LRP1: variants seen among roughly 807,000 people sequenced by gnomAD.
LRP1 encodes prolow-density lipoprotein receptor-related protein 1.
Under a neutral mutation model 541.5 loss-of-function variants are expected in LRP1, and 51 were observed. The ratio of observed to expected loss-of-function variants is 0.09; its 90% CI spans 0.08 to 0.12. The LOEUF is 0.12. Ranked by LOEUF, LRP1 falls within the 10% of genes least tolerant of loss-of-function variation. The pLI, the probability that LRP1 is intolerant of heterozygous loss-of-function variation, is 1.00. For synonymous variants in LRP1, 2,219 were observed against 2,470.8 expected (o/e 0.90, Z 3.02); for missense variants, 3,878 against 6,376.2 (o/e 0.61, Z 13.34).
rs778810958 is a variant in LRP1, at chr12:57,173,915, C to T, written c.3482C>T (p.Pro1161Leu). The change falls in exon 22 of 89, where the codon CCC (proline) becomes CTC (leucine). Residue 1161 changes from proline (P) to leucine (L), a missense_variant. Physicochemically the swap from Pro to Leu is moderately conservative, Grantham distance 98 (BLOSUM62 -3). This residue lies in a region of LRP1 where 320 missense variants were observed against 547.9 expected (regional missense o/e 0.58). Coordinates refer to ENST00000243077, the MANE Select transcript of LRP1 (RefSeq NM_002332.3). The surrounding 1 kb of genome is among the most constrained non-coding windows in gnomAD (Gnocchi z 4.7). ...PCANNTSVCL[P>L]PDKLCDGNDD... ...GCCAACAACACCTCAGTCTGCCTGC[C>T]CCCTGACAAGCTGTGTGATGGCAAC... The T allele has an allele frequency of 6.2e-7, 1 of 1,614,094 alleles. No individual in the cohort carries two copies. The highest frequency in any genetic ancestry group is 8.5e-7 in the Non-Finnish European group (1 of 1,180,042).
chr12:57,138,652 A>G, intron 2 of LRP1, 71 bp downstream of exon 2: 2 of 1,587,718 alleles, frequency 1.3e-6, no homozygotes, highest in Non-Finnish European at 1.7e-6. Flanking sequence ...GATGTTTGGG[A>G]GGAGGACAGC....
Position 57,128,717 on chromosome 12 carries a change from C to CG in LRP1, c.-241dup, listed in dbSNP as rs893655237. Reference sequence around the variant, plus strand: ...GGGGAAAGAGCAGCGAGGAGTGAAGCGGGGGGGTGGGGTGAAGGGTTTGGA... The same window carrying CG: ...GGGGAAAGAGCAGCGAGGAGTGAAGCGGGGGGGGTGGGGTGAAGGGTTTGGA... On this transcript the variant is annotated 5_prime_UTR_variant, in exon 1 of 89. Transcript: ENST00000243077. The CG allele has an allele frequency of 5.8e-5, 24 of 416,084 alleles. No individual in the cohort carries two copies. The highest frequency in any genetic ancestry group is 2.4e-4 in the Admixed American group (6 of 24,750). The allele number at this position is 416,084 out of a possible 1,614,324, so 25.8% of individuals were successfully genotyped here. A position where few individuals can be genotyped will look rare whatever the true frequency, so the allele number is the denominator to read the frequency against.
chr12:57,204,214 A>G lies in LRP1; in HGVS notation c.10952-196A>G. On this transcript the variant is annotated intron_variant, in intron 70 of 88. Transcript: ENST00000243077. This position sits in a 1 kb window ranked among gnomAD's most constrained non-coding sequence, Gnocchi z 5.3. ...TCTGAACTCCTCCAGACACCCCTGA[A>G]AAATGGCCTCTTCTCCCCTAAATAC... 1 of 560,588 alleles carries G rather than the reference A, an allele frequency of 1.8e-6. No homozygotes were observed. 34.7% of individuals were successfully genotyped at this position (560,588 alleles called of 1,614,324 possible).
Position 57,189,490 on chromosome 12 carries a change from G to C in LRP1, c.7032-1315G>C, listed in dbSNP as rs76057206. On this transcript the variant is annotated intron_variant, in intron 42 of 88. Coordinates refer to ENST00000243077, the MANE Select transcript of LRP1 (RefSeq NM_002332.3). The surrounding 1 kb of genome is among the most constrained non-coding windows in gnomAD (Gnocchi z 4.4). ...GGCCCTTAAGATCAGAGCTTCTCACGAGCTCGCCGAGGCTCAGGGCAGCCA... is the reference window on the plus strand; with the variant it reads ...GGCCCTTAAGATCAGAGCTTCTCACCAGCTCGCCGAGGCTCAGGGCAGCCA... Among the ~76,000 whole-genome samples the C allele has an allele frequency of 0.019, 2,925 of 152,192 alleles. 103 individuals are homozygous for C. Among genetic ancestry groups the C allele is most frequent in the African/African-American group, 0.068 (2,815 of 41,494 alleles).
chr12:57,133,314 C>T (rs2035077559), intron 1 of LRP1, among the ~76,000 whole-genome samples: 1 of 149,304 alleles, frequency 6.7e-6, no homozygotes. Context: ...AAAGGAAAAG[C>T]TGGTGGGGGA....
At position 57,184,286 on chromosome 12, in the gene LRP1, G is replaced by A. The variant is rs1592640851; in HGVS notation, c.6060-40G>A. 1.1e-5 allele frequency: 18 copies of A among 1,613,948 alleles called. No homozygotes were observed. In the East Asian group the frequency reaches 4.0e-4, roughly 36 times the overall value. ...GCTGATGAGGCCCTGTCTCCTCCAG[G>A]GTCTGAGGACTGACCCCCACTTCCA... On this transcript the variant is annotated intron_variant, in intron 37 of 88. Transcript: ENST00000243077. The surrounding 1 kb of genome is among the most constrained non-coding windows in gnomAD (Gnocchi z 7.8).
chr12:57,177,725 CAGG>C lies in LRP1; in HGVS notation c.4361+145_4361+147del, dbSNP rs2036076788. 49 of 1,107,458 alleles carry C rather than the reference CAGG, an allele frequency of 4.4e-5. No individual in the cohort carries two copies. Among genetic ancestry groups the C allele is most frequent in the South Asian group, 6.2e-5 (4 of 65,020 alleles). The allele number at this position is 1,107,458 out of a possible 1,614,324, so 68.6% of individuals were successfully genotyped here. ...AGGAACGGTGGCAAAGGACTGGGCA[CAGG>C]AGGAGGAGGACGGAGGGGCGTGGGG... On this transcript the variant is annotated intron_variant, in intron 26 of 88. Transcript: ENST00000243077. This position sits in a 1 kb window ranked among gnomAD's most constrained non-coding sequence, Gnocchi z 6.8.
At chr12:57,199,833 A>G (rs765147957) in intron 61 of LRP1, 44 bp from the exon 62 acceptor site, 10 of 1,547,854 alleles carry the variant, frequency 6.5e-6, no homozygotes, top group Middle Eastern at 1.7e-4. Context: ...AGCCTTTGGT[A>G]GGCCAGAAAA....
Position 57,154,057 on chromosome 12 carries a change from GT to G in LRP1, c.842-150del, listed in dbSNP as rs1416894223. The G allele has an allele frequency of 5.8e-6, 4 of 687,906 alleles. No individual in the cohort carries two copies. The highest frequency in any genetic ancestry group is 4.2e-4 in the Middle Eastern group (1 of 2,406). 42.6% of individuals were successfully genotyped at this position (687,906 alleles called of 1,614,324 possible). A position where few individuals can be genotyped will look rare whatever the true frequency, so the allele number is the denominator to read the frequency against. ...AGCCAGCATTTACGCAAGCCCTCCT[GT>G]ATATCCACTCTGAGCTAAGCATGGG... On this transcript the variant is annotated intron_variant, in intron 6 of 88. Coordinates refer to ENST00000243077, the MANE Select transcript of LRP1 (RefSeq NM_002332.3). The surrounding 1 kb of genome is among the most constrained non-coding windows in gnomAD (Gnocchi z 4.6).
intron 45 of LRP1, 103 bp downstream of exon 45, chr12:57,193,073 G>A: frequency 6.3e-7 from 1 of 1,586,088 alleles, no homozygotes; most frequent in Non-Finnish European, 8.6e-7. Flanking sequence ...AAAGCCTTTT[G>A]CCAAGAAGAC....
chr12:57,182,587 A>T (rs7398426), intron 34 of LRP1, among the ~76,000 whole-genome samples: 4 of 150,838 alleles, frequency 2.7e-5, no homozygotes, highest in African/African-American at 7.3e-5. Flanking sequence ...GAGGCTAAAG[A>T]GGGCGGATTA....
chr12:57,133,603 C>A (rs2035085550), intron 1 of LRP1, among the ~76,000 whole-genome samples: 1 of 151,458 alleles, frequency 6.6e-6, no homozygotes, highest in African/African-American at 2.4e-5. Flanking sequence ...CAGATTCCTG[C>A]AGGCTCTGTC....
At position 57,156,366 on chromosome 12, in the gene LRP1, G is replaced by T; in HGVS notation, c.1417+83G>T. On this transcript the variant is annotated intron_variant, in intron 9 of 88. Transcript: ENST00000243077. The surrounding 1 kb of genome is among the most constrained non-coding windows in gnomAD (Gnocchi z 5.2). ...CCTTGGGATCACAGCCCCTCTCTGG[G>T]CCCTCCTGTGGGGACCCTGGCTTCT... 1 of 1,400,860 alleles carries T rather than the reference G, an allele frequency of 7.1e-7. No homozygotes were observed. Among genetic ancestry groups the T allele is most frequent in the Admixed American group, 2.2e-5 (1 of 46,454 alleles). 86.8% of individuals were successfully genotyped at this position (1,400,860 alleles called of 1,614,324 possible). A position where few individuals can be genotyped will look rare whatever the true frequency, so the allele number is the denominator to read the frequency against.
At chr12:57,159,037 G>A (rs1310787563) in intron 11 of LRP1, among the ~76,000 whole-genome samples, 2 of 152,194 alleles carry the variant, frequency 1.3e-5, no homozygotes, top group Admixed American at 6.5e-5. Context: ...CCTTGCAGTC[G>A]CCAAAAACTG....
intron 15 of LRP1, 129 bp downstream of exon 15, chr12:57,163,112 A>G: frequency 7.5e-7 from 1 of 1,329,072 alleles, no homozygotes; most frequent in Non-Finnish European, 1.0e-6. Flanking sequence ...TAGGGGGCCA[A>G]CAGGAAGCAA....
At chr12:57,202,742 C>T (rs2036684034) in intron 68 of LRP1, 4 of 605,976 alleles carry the variant, frequency 6.6e-6, no homozygotes, top group Admixed American at 2.7e-5. Context: ...CATTTTCACA[C>T]TGTCCTCTCG....
rs1208647746 is a variant in LRP1 at position 57,145,469 on chromosome 12, A to G, written c.820A>G (p.Asn274Asp). 1 of 1,613,814 alleles carries G rather than the reference A, an allele frequency of 6.2e-7. No individual in the cohort carries two copies. The highest frequency in any genetic ancestry group is 1.3e-5 in the African/African-American group (1 of 74,908). The change falls in exon 6 of 89, where the codon AAC becomes GAC. Residue 274 changes from asparagine to aspartate, a missense_variant. Coordinates refer to ENST00000243077, the MANE Select transcript of LRP1 (RefSeq NM_002332.3). ...LKGFVDEHTI[N>D]ISLSLHHVEQ... The stretch of plus-strand genomic sequence containing the variant: ...GGGCTTCGTGGATGAGCACACCATC[A>G]ACATCTCCCTCAGTCTGCACCGTGA...
Position 57,128,657 on chromosome 12 carries a change from G to T in LRP1, c.-308G>T. On this transcript the variant is annotated 5_prime_UTR_variant, in exon 1 of 89. Transcript: ENST00000243077. ...TTGTGCATTTTTGCAGCCGGAGGCG[G>T]CTCCGAGATGGGGCTGTGAGCTTCG... 7.3e-6 allele frequency: 3 copies of T among 411,416 alleles called. No homozygotes were observed. Among genetic ancestry groups the T allele is most frequent in the East Asian group, 3.5e-5 (1 of 28,562 alleles). 25.5% of individuals were successfully genotyped at this position (411,416 alleles called of 1,614,324 possible). A position where few individuals can be genotyped will look rare whatever the true frequency, so the allele number is the denominator to read the frequency against.
chr12:57,199,640 A>C (rs1451615771), intron 61 of LRP1, among the ~76,000 whole-genome samples: 1 of 152,114 alleles, frequency 6.6e-6, no homozygotes, highest in Non-Finnish European at 1.5e-5. Context: ...CTGGGTGCCC[A>C]GCCCCCAGAA....
Sources: gnomAD v4.1 joint callset for allele counts (sites outside exome capture counted in the v4.1 genomes callset) on GRCh38, gnomAD v4.1.1 for gene constraint, gnomAD v4.1.1 regional missense constraint, Gnocchi (gnomAD v3.1) non-coding constraint, MANE v1.5 for transcripts, NCBI Gene and HGNC (gene_info 2026-07-23, HGNC 2026-07-21) for gene names.